MACROD1: variants seen among roughly 807,000 people sequenced by gnomAD.
The protein encoded by MACROD1 is mono-ADP ribosylhydrolase 1.
MACROD1 carries 31 observed loss-of-function variants against 41.4 expected under a neutral mutation model. That is an observed-to-expected ratio of 0.75 (90% confidence interval 0.56 to 1.01). MACROD1 has a LOEUF of 1.01. Among genes scored for constraint, MACROD1 ranks in the 50% least tolerant of loss-of-function variants. The pLI is 0.00. For synonymous variants in MACROD1, 252 were observed against 203.4 expected (o/e 1.24, Z -2.03); for missense variants, 473 against 460.0 (o/e 1.03, Z -0.26).
intron 3 of MACROD1, among the ~76,000 whole-genome samples, chr11:64,125,001 G>A (rs1327353732): frequency 6.6e-6 from 1 of 152,066 alleles, no homozygotes; most frequent in East Asian, 1.9e-4. Context: ...TTTTCTCCAC[G>A]TCTCCCCCGG....
At chr11:64,002,272 T>C (rs1190636445) in intron 4 of MACROD1, among the ~76,000 whole-genome samples, 2 of 152,180 alleles carry the variant, frequency 1.3e-5, no homozygotes, top group African/African-American at 2.4e-5. Context: ...GCAGGCGACC[T>C]CGGCCAGCTG....
intron 3 of MACROD1, among the ~76,000 whole-genome samples, chr11:64,065,099 G>A (rs924237671): frequency 1.4e-4 from 21 of 152,220 alleles, no homozygotes; most frequent in Admixed American, 1.1e-3. Context: ...CGGCGGCCTC[G>A]GAGAGACTTC....
chr11:64,094,159 G>A (rs769628044), intron 3 of MACROD1, among the ~76,000 whole-genome samples: 10 of 152,240 alleles, frequency 6.6e-5, no homozygotes, highest in Non-Finnish European at 8.8e-5. Flanking sequence ...TAGGCTGGGC[G>A]TGGTGGCTCA....
rs549790721 is a variant in MACROD1, at chr11:64,073,664, G to A, written c.518-58383C>T. On this transcript the variant is annotated intron_variant, in intron 3 of 10. Transcript: ENST00000255681. ...GTACGTCTGGGCCGGGAGCCTGTGAGGTCTGGCACATCAGATGGCATGCGA... is the reference window on the plus strand; with the variant it reads ...GTACGTCTGGGCCGGGAGCCTGTGAAGTCTGGCACATCAGATGGCATGCGA... 4.1e-4 allele frequency among the ~76,000 whole-genome samples: 63 copies of A among 152,354 alleles called. No homozygotes were observed. The South Asian group carries it at 0.013, about 32-fold the overall frequency.
Position 63,999,697 on chromosome 11 carries a change from C to T in MACROD1, c.731G>A (p.Arg244His). The stretch of plus-strand genomic sequence containing the variant: ...GTCCAGACTGCTCAGGTAGCAGCTG[C>T]GGAGCTCGGCAGCCTGACTGGCGCT... ...EPSASQAAEL[R>H]SCYLSSLDLL... The change falls in exon 6 of 11, where the codon CGC becomes CAC. Residue 244 changes from arginine (R) to histidine (H), a missense_variant. Coordinates refer to ENST00000255681, the MANE Select transcript of MACROD1 (RefSeq NM_014067.4). 1 of 1,608,902 alleles carries T rather than the reference C, an allele frequency of 6.2e-7. No individual in the cohort carries two copies. Among genetic ancestry groups the T allele is most frequent in the Non-Finnish European group, 8.5e-7 (1 of 1,179,190 alleles).
intron 3 of MACROD1, among the ~76,000 whole-genome samples, chr11:64,032,182 G>A (rs1166151959): frequency 6.6e-6 from 1 of 152,200 alleles, no homozygotes; most frequent in African/African-American, 2.4e-5. Context: ...CCCCAGCTGA[G>A]AACAGGCCCA....
chr11:64,019,312 A>G (rs1943122894), intron 3 of MACROD1, among the ~76,000 whole-genome samples: 1 of 152,006 alleles, frequency 6.6e-6, no homozygotes, highest in African/African-American at 2.4e-5. Flanking sequence ...GGCACCCCTC[A>G]ATGCCAGTCA....
At position 64,165,776 on chromosome 11, in the gene MACROD1, G is replaced by T. The variant is rs1462100900; in HGVS notation, c.219C>A (p.Ala73=). ...AWGAAAVGRT[A]GVRTWAPLAM... The stretch of plus-strand genomic sequence containing the variant: ...CCAGGGGGGCCCAAGTGCGCACCCC[G>T]GCTGTCCGCCCCACCGCCGCCGCCC... Residue 73 remains alanine (A), a synonymous_variant, in exon 1 of 11, where the codon GCC becomes GCA. Coordinates refer to ENST00000255681, the MANE Select transcript of MACROD1 (RefSeq NM_014067.4). The T allele has an allele frequency of 5.3e-6, 8 of 1,496,874 alleles. No individual in the cohort carries two copies. Among genetic ancestry groups the T allele is most frequent in the East Asian group, 2.8e-5 (1 of 36,334 alleles). The allele number at this position is 1,496,874 out of a possible 1,614,324, so 92.7% of individuals were successfully genotyped here.
intron 3 of MACROD1, among the ~76,000 whole-genome samples, chr11:64,040,395 G>A (rs975585465): frequency 1.1e-4 from 16 of 152,150 alleles, no homozygotes; most frequent in African/African-American, 3.6e-4. Context: ...GGAGACCCCC[G>A]GCAGGAGGGC....
intron 3 of MACROD1, among the ~76,000 whole-genome samples, chr11:64,101,519 C>T (rs948456520): frequency 6.6e-6 from 1 of 152,198 alleles, no homozygotes. Context: ...TGCCAAGGCC[C>T]GCTGCCCCTG....
rs1590932597 is a variant in MACROD1 at position 64,116,934 on chromosome 11, A to G, written c.517+34305T>C. 2 of 1,611,460 alleles carry G rather than the reference A, an allele frequency of 1.2e-6. No individual in the cohort carries two copies. Among genetic ancestry groups the G allele is most frequent in the Non-Finnish European group, 8.5e-7 (1 of 1,179,988 alleles). On this transcript the variant is annotated intron_variant, in intron 3 of 10. Coordinates refer to ENST00000255681, the MANE Select transcript of MACROD1 (RefSeq NM_014067.4). ...GCTGCATGCCTTCAAGGGCCTCAAC[A>G]GCCTGCGGCGCCTGGTGCTGGACGG... is the stretch of plus-strand genomic sequence containing the variant.
chr11:64,045,987 T>C (rs565912872), intron 3 of MACROD1, among the ~76,000 whole-genome samples: 1 of 152,212 alleles, frequency 6.6e-6, no homozygotes, highest in Non-Finnish European at 1.5e-5. Context: ...TGCAGTGTGC[T>C]AAACATGTCA....
At chr11:64,127,194 A>G (rs1945196867) in intron 3 of MACROD1, among the ~76,000 whole-genome samples, 1 of 152,238 alleles carries the variant, frequency 6.6e-6, no homozygotes. Context: ...GTGATTAACT[A>G]CTTGGTCCTA....
chr11:64,142,858 G>A (rs1945433026), intron 3 of MACROD1, among the ~76,000 whole-genome samples: 1 of 152,130 alleles, frequency 6.6e-6, no homozygotes, highest in East Asian at 1.9e-4. Context: ...GCTCACGGCT[G>A]TAGTCCCAGC....
intron 1 of MACROD1, among the ~76,000 whole-genome samples, chr11:64,153,104 C>G (rs1945609042): frequency 6.6e-6 from 1 of 152,118 alleles, no homozygotes; most frequent in African/African-American, 2.4e-5. Flanking sequence ...GGGGTCCACC[C>G]TGGCCGGCTC....
intron 3 of MACROD1, among the ~76,000 whole-genome samples, chr11:64,024,632 T>C (rs1021162460): frequency 1.3e-5 from 2 of 152,232 alleles, no homozygotes; most frequent in Non-Finnish European, 2.9e-5. Context: ...AGGAGATGGC[T>C]TGGGCCCCAG....
chr11:63,999,927 A>C, intron 5 of MACROD1, 164 bp from the exon 6 acceptor site: 1 of 769,958 alleles, frequency 1.3e-6, no homozygotes, highest in Non-Finnish European at 2.0e-6. Context: ...TCGAGCCCGA[A>C]TCCGCACGCG....
chr11:64,105,403 G>C (rs534994112), intron 3 of MACROD1, among the ~76,000 whole-genome samples: 1 of 152,324 alleles, frequency 6.6e-6, no homozygotes, highest in East Asian at 1.9e-4. Context: ...AAACGCTCTG[G>C]GCAGACAGAC....
rs558388983 is a variant in MACROD1 at position 64,146,050 on chromosome 11, G to A, written c.517+5189C>T. On this transcript the variant is annotated intron_variant, in intron 3 of 10. Transcript: ENST00000255681. The surrounding 1 kb of genome is among the most constrained non-coding windows in gnomAD (Gnocchi z 4.7). ...CTCCCAAAGTGCTAGGATAACAGGC[G>A]TGAGCCACCGTGCCTGGCCAAGAAT... is the stretch of plus-strand genomic sequence containing the variant. 3.9e-5 allele frequency among the ~76,000 whole-genome samples: 6 copies of A among 152,250 alleles called. No homozygotes were observed. The highest frequency in any genetic ancestry group is 2.1e-4 in the South Asian group (1 of 4,828).
Sources: allele counts gnomAD v4.1 joint callset (sites outside exome capture counted in the v4.1 genomes callset), GRCh38; gene constraint gnomAD v4.1.1; non-coding constraint Gnocchi (gnomAD v3.1); transcripts MANE v1.5; gene names NCBI Gene and HGNC (gene_info 2026-07-23, HGNC 2026-07-21).